The following CNGA3 variants were observed in gnomAD, a reference collection of about 807,000 sequenced individuals.
CNGA3 encodes the protein cyclic nucleotide gated channel subunit alpha 3.
CNGA3 carries 42 observed loss-of-function variants against 46.6 expected under a neutral mutation model. The ratio of observed to expected loss-of-function variants is 0.90; its 90% CI spans 0.70 to 1.17. The LOEUF is 1.17. Among genes scored for constraint, CNGA3 ranks in the 50% most tolerant of loss-of-function variants. The pLI, the probability that CNGA3 is intolerant of heterozygous loss-of-function variation, is 0.00. For synonymous variants in CNGA3, 394 were observed against 369.4 expected (o/e 1.07, Z -0.76); for missense variants, 893 against 890.7 (o/e 1.00, Z -0.03).
intron 5 of CNGA3, among the ~76,000 whole-genome samples, chr2:98,386,250 C>T (rs932822408): frequency 1.3e-5 from 2 of 152,174 alleles, no homozygotes; most frequent in South Asian, 2.1e-4. Context: ...AAGGGAACTT[C>T]GTAAATGTGA....
At chr2:98,392,647 C>T (rs1052520609) in intron 7 of CNGA3, among the ~76,000 whole-genome samples, 1 of 152,024 alleles carries the variant, frequency 6.6e-6, no homozygotes, top group African/African-American at 2.4e-5. Flanking sequence ...AAGGACCCCT[C>T]CAGCTCTCAC....
chr2:98,352,297 T>A (rs1691785230), intron 1 of CNGA3, among the ~76,000 whole-genome samples: 1 of 152,224 alleles, frequency 6.6e-6, no homozygotes, highest in African/African-American at 2.4e-5. Context: ...CCCTAATAAA[T>A]GATTGTCGTT....
intron 1 of CNGA3, among the ~76,000 whole-genome samples, chr2:98,354,457 T>C (rs1464769363): frequency 1.3e-5 from 2 of 152,158 alleles, no homozygotes; most frequent in African/African-American, 4.8e-5. Context: ...ATTTGACTTT[T>C]GTTATTGAGT....
intron 5 of CNGA3, among the ~76,000 whole-genome samples, chr2:98,387,916 G>A (rs1224519509): frequency 1.3e-5 from 2 of 152,154 alleles, no homozygotes; most frequent in Non-Finnish European, 2.9e-5. Flanking sequence ...TCAATGTGTG[G>A]ATTTGGGTCT....
intron 1 of CNGA3, among the ~76,000 whole-genome samples, chr2:98,353,900 T>A (rs1691822269): frequency 1.3e-5 from 2 of 152,132 alleles, no homozygotes; most frequent in Admixed American, 1.3e-4. Context: ...CACTTGTAAA[T>A]GACCAGAACT....
rs1201696750 is a variant in CNGA3 at position 98,391,853 on chromosome 2, G to T, written c.567-11G>T. The T allele has an allele frequency of 2.7e-5, 44 of 1,613,846 alleles. No individual in the cohort carries two copies. The highest frequency in any genetic ancestry group is 3.6e-5 in the Non-Finnish European group (43 of 1,179,848). On this transcript the variant is annotated splice_polypyrimidine_tract_variant and intron_variant, in intron 6 of 7. Transcript: ENST00000272602. ...ACGCACAGCCATCCATCTCCCACATGGCTTCTTTAGGGCCTGTTTCGATGA... is the reference window on the plus strand; with the variant it reads ...ACGCACAGCCATCCATCTCCCACATTGCTTCTTTAGGGCCTGTTTCGATGA...
intron 1 of CNGA3, among the ~76,000 whole-genome samples, chr2:98,363,049 C>T (rs956907725): frequency 1.6e-4 from 25 of 152,180 alleles, no homozygotes; most frequent in Admixed American, 1.6e-3. Context: ...GTTTTGGTTA[C>T]TATAGTCTTA....
rs745869844 is a variant in CNGA3 at position 98,396,536 on chromosome 2, G to A, written c.1366G>A (p.Val456Met). ...CAAGAAGACGGTGGATGAGAAGGAG[G>A]TGCTCAAGAGCCTCCCAGACAAGCT... ...ANKKTVDEKE[V>M]LKSLPDKLKA... The change falls in exon 8 of 8, where the codon GTG (valine) becomes ATG (methionine). Residue 456 changes from valine to methionine, a missense_variant. Val to Met is a conservative substitution (Grantham distance 21, BLOSUM62 1). Around this residue, in one of 3 missense-constraint regions of CNGA3, gnomAD observed 548 missense variants for 570.8 expected, o/e 0.96. Transcript: ENST00000272602. 3.7e-6 allele frequency: 6 copies of A among 1,614,000 alleles called. No individual in the cohort carries two copies. The highest frequency in any genetic ancestry group is 5.1e-6 in the Non-Finnish European group (6 of 1,179,994).
In CNGA3 at chr2:98,360,954, C is replaced by A. The variant is rs73961408; in HGVS notation, c.-37-8985C>A. Among the ~76,000 whole-genome samples the A allele has an allele frequency of 3.3e-3, 496 of 152,030 alleles. 3 individuals carry two copies. Among genetic ancestry groups the A allele is most frequent in the African/African-American group, 0.012 (482 of 41,476 alleles). On this transcript the variant is annotated intron_variant, in intron 1 of 7. Transcript: ENST00000272602. ...ATCAGATTTCAATATATTATAACTA[C>A]TACTATTTGGATAACACACATGAAT... is the stretch of plus-strand genomic sequence containing the variant.
intron 2 of CNGA3, among the ~76,000 whole-genome samples, chr2:98,375,396 C>T (rs959449903): frequency 6.6e-6 from 1 of 152,220 alleles, no homozygotes; most frequent in African/African-American, 2.4e-5. Context: ...TGACAGGGCC[C>T]CCGCCCAGCT....
At position 98,398,279 on chromosome 2, in the gene CNGA3, T is replaced by A. The variant is rs2104253902; in HGVS notation, c.*1024T>A. On this transcript the variant is annotated 3_prime_UTR_variant, in exon 8 of 8. Transcript: ENST00000272602. ...TCACAGATTGCAGAAATTAGCTTTT[T>A]TAAAAAACAAACCCCAGTAAATATA... 6.6e-6 allele frequency: 1 copy of A among 152,316 alleles called. No individual in the cohort carries two copies. The highest frequency in any genetic ancestry group is 2.1e-4 in the South Asian group (1 of 4,826). The allele number at this position is 152,316 out of a possible 1,614,324, so 9.4% of individuals were successfully genotyped here. A position where few individuals can be genotyped will look rare whatever the true frequency, so the allele number is the denominator to read the frequency against.
At chr2:98,370,282 G>C (rs938411889) in intron 2 of CNGA3, among the ~76,000 whole-genome samples, 2 of 152,226 alleles carry the variant, frequency 1.3e-5, no homozygotes, top group Non-Finnish European at 1.5e-5. Flanking sequence ...TTGTTTTAGA[G>C]ATGTGGAAAA....
intron 5 of CNGA3, 104 bp from the exon 6 acceptor site, chr2:98,389,554 C>A: frequency 2.0e-6 from 2 of 982,018 alleles, no homozygotes; most frequent in Admixed American, 1.7e-5. Flanking sequence ...TTGTGGACAG[C>A]CACATCTTGG....
intron 1 of CNGA3, among the ~76,000 whole-genome samples, chr2:98,364,484 G>A (rs61276895): frequency 2.8e-3 from 433 of 152,060 alleles, no homozygotes; most frequent in Non-Finnish European, 4.3e-3. Flanking sequence ...TTCCTCCATC[G>A]CTTTATGTTG....
chr2:98,381,897 A>AG (rs1031309295), intron 4 of CNGA3, among the ~76,000 whole-genome samples: 1 of 152,092 alleles, frequency 6.6e-6, no homozygotes, highest in South Asian at 2.1e-4. Context: ...AGGAAGAGGG[A>AG]GGGGGGAAAA....
Position 98,396,897 on chromosome 2 carries a change from T to G in CNGA3, c.1727T>G (p.Leu576Arg). 6.2e-7 allele frequency: 1 copy of G among 1,614,134 alleles called. No homozygotes were observed. The highest frequency in any genetic ancestry group is 8.5e-7 in the Non-Finnish European group (1 of 1,180,026). The change falls in exon 8 of 8, where the codon CTG becomes CGG. Residue 576 changes from leucine (L) to arginine (R), a missense_variant. Physicochemically the swap from Leu to Arg is moderately radical, Grantham distance 102. Coordinates refer to ENST00000272602, the MANE Select transcript of CNGA3 (RefSeq NM_001298.3). ...ANIRSIGYSD[L>R]FCLSKDDLME... The stretch of plus-strand genomic sequence containing the variant: ...ATCCGCAGCATTGGCTACTCAGACC[T>G]GTTCTGCCTCTCAAAGGACGATCTC...
Position 98,373,300 on chromosome 2 carries a change from G to T in CNGA3, c.101+3224G>T, listed in dbSNP as rs1361016115. Among the ~76,000 whole-genome samples the T allele has an allele frequency of 3.3e-5, 5 of 152,226 alleles. 1 individual carries two copies. In the South Asian group the frequency reaches 6.2e-4, roughly 19 times the overall value. On this transcript the variant is annotated intron_variant, in intron 2 of 7. Transcript: ENST00000272602. ...CTATTTTGGAGCCAGGAGAAATAGTGTTTGGACAAGTCACACCTCTTTGTC... is the reference window on the plus strand; with the variant it reads ...CTATTTTGGAGCCAGGAGAAATAGTTTTTGGACAAGTCACACCTCTTTGTC...
At chr2:98,350,252 C>T (rs960812524) in intron 1 of CNGA3, among the ~76,000 whole-genome samples, 21 of 152,146 alleles carry the variant, frequency 1.4e-4, no homozygotes, top group African/African-American at 3.9e-4. Flanking sequence ...CCTTCCTCAT[C>T]GAGTTGTTGT....
intron 1 of CNGA3, among the ~76,000 whole-genome samples, chr2:98,362,179 T>C (rs1450484630): frequency 6.9e-6 from 1 of 144,372 alleles, no homozygotes; most frequent in Non-Finnish European, 1.5e-5. Flanking sequence ...CCCACTTTTT[T>C]TTTTTTTTTT....
Sources: gnomAD v4.1 joint callset for allele counts (sites outside exome capture counted in the v4.1 genomes callset) on GRCh38, gnomAD v4.1.1 for gene constraint, gnomAD v4.1.1 regional missense constraint, MANE v1.5 for transcripts, NCBI Gene and HGNC (gene_info 2026-07-23, HGNC 2026-07-21) for gene names.